TMEM123: variants seen among roughly 807,000 people sequenced by gnomAD.
TMEM123 encodes the protein transmembrane protein 123, also known as porimin.
A neutral mutation model predicts 19.7 loss-of-function variants in TMEM123; 16 were observed. The observed-to-expected ratio is 0.81, with a 90% CI of 0.55 to 1.23. The LOEUF is 1.23. Among genes scored for constraint, TMEM123 ranks in the 50% most tolerant of loss-of-function variants. The probability of loss-of-function intolerance (pLI) is 0.00; values close to 1 mark genes in which losing one functional copy is unlikely to be tolerated. For synonymous variants in TMEM123, 118 were observed against 99.4 expected, an observed-to-expected ratio of 1.19 and a Z score of -1.12; for missense variants, 313 against 257.8, an observed-to-expected ratio of 1.21 and a Z score of -1.47.
intron 2 of TMEM123, among the ~76,000 whole-genome samples, chr11:102,435,209 G>C (rs887901726): frequency 2.6e-5 from 4 of 151,790 alleles, no homozygotes; most frequent in Non-Finnish European, 5.9e-5. Flanking sequence ...ACTAGAACCT[G>C]TATTATCTTT....
chr11:102,401,727 T>A, intron 3 of TMEM123, 35 bp from the exon 4 acceptor site: 1 of 1,547,312 alleles, frequency 6.5e-7, no homozygotes, highest in South Asian at 1.3e-5. Flanking sequence ...GGCTTTAGCG[T>A]TATTTTTTTT....
chr11:102,431,262 T>G (rs1857706586), intron 2 of TMEM123, among the ~76,000 whole-genome samples: 1 of 152,234 alleles, frequency 6.6e-6, no homozygotes, highest in Non-Finnish European at 1.5e-5. Flanking sequence ...TTACCTCACA[T>G]ACTTATCTTT....
intron 2 of TMEM123, among the ~76,000 whole-genome samples, chr11:102,441,561 T>C (rs909714191): frequency 1.3e-5 from 2 of 152,134 alleles, no homozygotes; most frequent in African/African-American, 4.8e-5. Context: ...GAGGGAAATT[T>C]ATAGCACTAA....
chr11:102,408,958 C>A lies in TMEM123; in HGVS notation c.158-6752G>T, dbSNP rs890309939. Among the ~76,000 whole-genome samples, 3 of 152,230 alleles carry A rather than the reference C, an allele frequency of 2.0e-5. No homozygotes were observed. In the East Asian group the frequency reaches 5.8e-4, roughly 29 times the overall value. On this transcript the variant is annotated intron_variant, in intron 2 of 4. Transcript: ENST00000398136. The stretch of plus-strand genomic sequence containing the variant: ...TACTCCTCAAAGTCTGGATTCATTC[C>A]GACTATCTCTGCTGTGTTGAAATAA...
chr11:102,409,906 A>C (rs1038206837), intron 2 of TMEM123, among the ~76,000 whole-genome samples: 1 of 152,082 alleles, frequency 6.6e-6, no homozygotes, highest in African/African-American at 2.4e-5. Flanking sequence ...TCAAAAAAAA[A>C]AAAAATCTAA....
intron 2 of TMEM123, among the ~76,000 whole-genome samples, chr11:102,423,437 G>A (rs1469206852): frequency 6.6e-6 from 1 of 152,194 alleles, no homozygotes; most frequent in Non-Finnish European, 1.5e-5. Context: ...GCATGATGCT[G>A]TGAAGATACT....
chr11:102,403,663 T>TTGAAATTTGATCTCCAA (rs1473591501), intron 2 of TMEM123, among the ~76,000 whole-genome samples: 1 of 152,226 alleles, frequency 6.6e-6, no homozygotes, highest in Non-Finnish European at 1.5e-5. Flanking sequence ...AAAACTCATA[T>TTGAAATTTGATCTCCAA]TGAAATTTGA....
intron 1 of TMEM123, among the ~76,000 whole-genome samples, chr11:102,450,918 A>C (rs1306875208): frequency 6.6e-6 from 1 of 152,256 alleles, no homozygotes; most frequent in African/African-American, 2.4e-5. Flanking sequence ...CTATACATGA[A>C]GACTACGATT....
At chr11:102,422,809 C>T (rs1441304714) in intron 2 of TMEM123, among the ~76,000 whole-genome samples, 1 of 152,186 alleles carries the variant, frequency 6.6e-6, no homozygotes, top group Non-Finnish European at 1.5e-5. Flanking sequence ...TCATTTCTCA[C>T]AGTATTTAAA....
chr11:102,452,627 T>C lies in TMEM123; in HGVS notation c.-4A>G. 6.5e-7 allele frequency: 1 copy of C among 1,530,624 alleles called. No individual in the cohort carries two copies. Among genetic ancestry groups the C allele is most frequent in the Non-Finnish European group, 8.8e-7 (1 of 1,139,388 alleles). 94.8% of individuals were successfully genotyped at this position (1,530,624 alleles called of 1,614,324 possible). A position where few individuals can be genotyped will look rare whatever the true frequency, so the allele number is the denominator to read the frequency against. On this transcript the variant is annotated 5_prime_UTR_variant, in exon 1 of 5. Transcript: ENST00000398136. ...CACCTCGCGCGCCGAGTCCCATTGTTCCGAGGGCAGGATGCGGCAGCCTCG... is the reference window on the plus strand; with the variant it reads ...CACCTCGCGCGCCGAGTCCCATTGTCCCGAGGGCAGGATGCGGCAGCCTCG...
At chr11:102,403,068 T>C (rs894682155) in intron 2 of TMEM123, among the ~76,000 whole-genome samples, 2 of 152,232 alleles carry the variant, frequency 1.3e-5, no homozygotes. Context: ...TGAAGTGCAG[T>C]GTCAAGATCT....
intron 2 of TMEM123, among the ~76,000 whole-genome samples, chr11:102,445,359 G>C (rs1343847239): frequency 1.3e-5 from 2 of 152,126 alleles, no homozygotes; most frequent in African/African-American, 4.8e-5. Context: ...ATCACTGTTT[G>C]TATCTATCAA....
chr11:102,417,218 T>A (rs765101016), intron 2 of TMEM123, among the ~76,000 whole-genome samples: 1 of 152,176 alleles, frequency 6.6e-6, no homozygotes. Flanking sequence ...AACTCTCTCT[T>A]TGCAGATGAT....
intron 2 of TMEM123, among the ~76,000 whole-genome samples, chr11:102,418,983 GGAA>G (rs1452951511): frequency 6.6e-6 from 1 of 152,142 alleles, no homozygotes; most frequent in Non-Finnish European, 1.5e-5. Context: ...CACTAAGAAG[GGAA>G]GAATAACACA....
chr11:102,446,837 T>C (rs781484038), intron 2 of TMEM123, among the ~76,000 whole-genome samples: 3 of 152,184 alleles, frequency 2.0e-5, no homozygotes, highest in Non-Finnish European at 4.4e-5. Flanking sequence ...GGAATACACA[T>C]CATAATGGAA....
intron 2 of TMEM123, among the ~76,000 whole-genome samples, chr11:102,413,204 GAAGGCTGTATTCCTCTT>G (rs1952018599): frequency 6.6e-6 from 1 of 152,152 alleles, no homozygotes; most frequent in Non-Finnish European, 1.5e-5. Flanking sequence ...AAGAACTTTT[GAAGGCTGTATTCCTCTT>G]AAATGTGAGA....
rs1190528956 is a variant in TMEM123, at chr11:102,452,637, G to A, written c.-14C>T. On this transcript the variant is annotated 5_prime_UTR_variant, in exon 1 of 5. Transcript: ENST00000398136. Reference sequence around the variant, plus strand: ...GCCGAGTCCCATTGTTCCGAGGGCAGGATGCGGCAGCCTCGTGGGCTCCCA... The same window carrying A: ...GCCGAGTCCCATTGTTCCGAGGGCAAGATGCGGCAGCCTCGTGGGCTCCCA... 3 of 1,503,064 alleles carry A rather than the reference G, an allele frequency of 2.0e-6. No individual in the cohort carries two copies. Among genetic ancestry groups the A allele is most frequent in the Middle Eastern group, 3.5e-4 (2 of 5,716 alleles). 93.1% of individuals were successfully genotyped at this position (1,503,064 alleles called of 1,614,324 possible).
At chr11:102,434,980 T>C (rs1284122113) in intron 2 of TMEM123, among the ~76,000 whole-genome samples, 1 of 151,864 alleles carries the variant, frequency 6.6e-6, no homozygotes, top group Non-Finnish European at 1.5e-5. Context: ...GTCACCACAA[T>C]ATACAATAGC....
At chr11:102,410,251 G>A (rs1044460823) in intron 2 of TMEM123, among the ~76,000 whole-genome samples, 1 of 151,054 alleles carries the variant, frequency 6.6e-6, no homozygotes, top group Admixed American at 6.6e-5. Context: ...ACTAACAACC[G>A]AGACATAGTT....
Sources: gnomAD v4.1 joint callset for allele counts (sites outside exome capture counted in the v4.1 genomes callset) on GRCh38, gnomAD v4.1.1 for gene constraint, MANE v1.5 for transcripts, NCBI Gene and HGNC (gene_info 2026-07-23, HGNC 2026-07-21) for gene names.